Variants in PCBP3 observed in about 807,000 individuals in gnomAD.
The protein encoded by PCBP3 is poly(rC)-binding protein 3.
A neutral mutation model predicts 52.7 loss-of-function variants in PCBP3; 25 were observed. That is an observed-to-expected ratio of 0.47 (90% CI 0.35 to 0.66). The LOEUF (loss-of-function observed/expected upper bound fraction) is 0.66, where lower values mean the gene tolerates loss of function less well. PCBP3 is among the 30% of genes least tolerant of loss of function. The pLI is 0.01. For missense variants in PCBP3, 391 were observed against 490.3 expected (o/e 0.80, Z 1.91); for synonymous variants, 162 against 183.0 (o/e 0.89, Z 0.93).
chr21:45,840,475 A>C (rs1197306740), intron 4 of PCBP3, among the ~76,000 whole-genome samples: 1 of 151,702 alleles, frequency 6.6e-6, no homozygotes, highest in Non-Finnish European at 1.5e-5. Flanking sequence ...AAAAAAAAAA[A>C]AGTTACAGTA....
rs1024042055 is a variant in PCBP3, at chr21:45,704,766, G to A, written c.-199-30626G>A. ...TGGCAGAGTTCCAAAACATGAAAAT[G>A]TAAAATGGAATTGAATAATCTCTCC... On this transcript the variant is annotated intron_variant, in intron 2 of 17. Transcript: ENST00000681687. This position sits in a 1 kb window ranked among gnomAD's most constrained non-coding sequence, Gnocchi z 4.1. Among the ~76,000 whole-genome samples, 3 of 152,228 alleles carry A rather than the reference G, an allele frequency of 2.0e-5. No individual in the cohort carries two copies. The highest frequency in any genetic ancestry group is 7.2e-5 in the African/African-American group (3 of 41,472).
intron 4 of PCBP3, among the ~76,000 whole-genome samples, chr21:45,776,861 G>A (rs937597599): frequency 6.6e-6 from 1 of 152,126 alleles, no homozygotes; most frequent in Non-Finnish European, 1.5e-5. Flanking sequence ...CATTTGAGGC[G>A]ATTATATGAC....
At chr21:45,932,509 A>G (rs535119473) in intron 15 of PCBP3, among the ~76,000 whole-genome samples, 9 of 150,480 alleles carry the variant, frequency 6.0e-5, no homozygotes, top group Non-Finnish European at 1.2e-4. Flanking sequence ...TGCCGTCCTG[A>G]GATGAACGAA....
intron 1 of PCBP3, among the ~76,000 whole-genome samples, chr21:45,668,554 A>G (rs1218569853): frequency 6.8e-6 from 1 of 147,530 alleles, no homozygotes; most frequent in African/African-American, 2.5e-5. Context: ...CAAGACTACT[A>G]TAGAGCTGGG....
At chr21:45,870,308 A>G (rs1373446559) in intron 5 of PCBP3, among the ~76,000 whole-genome samples, 2 of 152,214 alleles carry the variant, frequency 1.3e-5, no homozygotes, top group Non-Finnish European at 2.9e-5. Flanking sequence ...TTAAAATATT[A>G]AGACGCTGAA....
At chr21:45,723,031 T>C (rs1191305450) in intron 2 of PCBP3, among the ~76,000 whole-genome samples, 6 of 151,588 alleles carry the variant, frequency 4.0e-5, no homozygotes, top group Non-Finnish European at 8.8e-5. Context: ...AAAATGTATA[T>C]AGGTAAATGT....
At chr21:45,712,115 A>G (rs1368068681) in intron 2 of PCBP3, among the ~76,000 whole-genome samples, 4 of 152,210 alleles carry the variant, frequency 2.6e-5, no homozygotes, top group Non-Finnish European at 5.9e-5. Flanking sequence ...ATTCTGTTGT[A>G]TAAATATACC....
intron 4 of PCBP3, among the ~76,000 whole-genome samples, chr21:45,784,121 T>C (rs952713397): frequency 2.0e-5 from 3 of 152,162 alleles, no homozygotes; most frequent in Admixed American, 1.3e-4. Flanking sequence ...CAGAGTCCAG[T>C]GTGGAGAAGA....
chr21:45,937,012 C>T (rs1047827017), intron 16 of PCBP3, among the ~76,000 whole-genome samples: 1 of 152,218 alleles, frequency 6.6e-6, no homozygotes, highest in Non-Finnish European at 1.5e-5. Flanking sequence ...GGGCTTTCAC[C>T]AGCACCCCCA....
At chr21:45,925,107 GGT>G (rs2075205353) in intron 13 of PCBP3, among the ~76,000 whole-genome samples, 1 of 87,622 alleles carries the variant, frequency 1.1e-5, no homozygotes, top group Non-Finnish European at 2.3e-5. Context: ...CAGTCGCGTG[GGT>G]AGAAACAGCA....
chr21:45,930,060 GTGT>G, intron 14 of PCBP3, 65 bp downstream of exon 14: 1 of 1,175,894 alleles, frequency 8.5e-7, no homozygotes, highest in Non-Finnish European at 1.3e-6. Context: ...TTTCTGAGCT[GTGT>G]TATTCGGTGC....
intron 4 of PCBP3, chr21:45,828,365 A>T (rs1181181638): frequency 6.6e-6 from 1 of 152,004 alleles, no homozygotes; most frequent in Non-Finnish European, 1.5e-5. Flanking sequence ...ACGGTGAGTT[A>T]CTCTCGCTCT....
intron 1 of PCBP3, among the ~76,000 whole-genome samples, chr21:45,646,912 G>T (rs1034925362): frequency 6.6e-6 from 1 of 152,182 alleles, no homozygotes; most frequent in Non-Finnish European, 1.5e-5. Context: ...GCTACTGAGT[G>T]GTTGCCAGGC....
chr21:45,863,602 C>T (rs2094591418), intron 5 of PCBP3, among the ~76,000 whole-genome samples: 1 of 152,224 alleles, frequency 6.6e-6, no homozygotes, highest in South Asian at 2.1e-4. Context: ...CCGCCCGAGG[C>T]CAATGGGGTG....
At chr21:45,871,110 A>AC (rs2094988577) in intron 5 of PCBP3, 1 of 161,290 alleles carries the variant, frequency 6.2e-6, no homozygotes, top group Non-Finnish European at 1.2e-5. Flanking sequence ...AGAGATGGGA[A>AC]CCCCCCAGGG....
intron 4 of PCBP3, chr21:45,762,946 C>T (rs191816307): frequency 3.3e-5 from 5 of 152,376 alleles, no homozygotes; most frequent in African/African-American, 1.2e-4. Context: ...TTTTCTGTCT[C>T]ATCACTTTTG....
At chr21:45,685,407 G>A (rs2082091060) in intron 2 of PCBP3, among the ~76,000 whole-genome samples, 1 of 152,162 alleles carries the variant, frequency 6.6e-6, no homozygotes, top group African/African-American at 2.4e-5. Flanking sequence ...TGAATTTTAT[G>A]TGTATTTTAC....
chr21:45,820,412 G>T (rs1422294957), intron 4 of PCBP3, among the ~76,000 whole-genome samples: 1 of 152,226 alleles, frequency 6.6e-6, no homozygotes. Flanking sequence ...AGGATGTCAC[G>T]CAGTGTTGGC....
At chr21:45,740,866 G>A (rs185944348) in intron 3 of PCBP3, among the ~76,000 whole-genome samples, 2 of 152,322 alleles carry the variant, frequency 1.3e-5, no homozygotes, top group Admixed American at 6.5e-5. Flanking sequence ...TGGGAATGGC[G>A]TTACTGTGCA....
Sources: gnomAD v4.1 joint callset for allele counts (sites outside exome capture counted in the v4.1 genomes callset) on GRCh38, gnomAD v4.1.1 for gene constraint, Gnocchi (gnomAD v3.1) non-coding constraint, MANE v1.5 for transcripts, NCBI Gene and HGNC (gene_info 2026-07-23, HGNC 2026-07-21) for gene names.